The following HOMEZ variants were observed in gnomAD, a reference collection of about 807,000 sequenced individuals.
The protein encoded by HOMEZ is homeobox and leucine zipper protein Homez.
In HOMEZ, 20 loss-of-function variants were observed where a neutral mutation model predicts 50.1. That is an observed-to-expected ratio of 0.40 (90% CI 0.28 to 0.58). HOMEZ has a LOEUF of 0.58. HOMEZ is among the 20% of genes least tolerant of loss of function. The pLI is 0.46. For missense variants in HOMEZ, 579 were observed against 680.5 expected (o/e 0.85, Z 1.66); for synonymous variants, 239 against 254.7 (o/e 0.94, Z 0.59).
At chr14:23,285,769 C>T in intron 1 of HOMEZ, 144 bp downstream of exon 1, 1 of 456,868 alleles carries the variant, frequency 2.2e-6, no homozygotes, top group Middle Eastern at 3.0e-4. Flanking sequence ...GGGAGGGAAC[C>T]GAAAAGTCCA....
intron 1 of HOMEZ, among the ~76,000 whole-genome samples, chr14:23,278,462 C>A (rs1377953472): frequency 6.6e-6 from 1 of 151,368 alleles, no homozygotes; most frequent in Non-Finnish European, 1.5e-5. Context: ...AACTCTTAGG[C>A]TCAAGCAATC....
intron 1 of HOMEZ, among the ~76,000 whole-genome samples, chr14:23,279,522 G>A (rs1156587519): frequency 1.3e-5 from 2 of 152,208 alleles, no homozygotes; most frequent in East Asian, 1.9e-4. Flanking sequence ...GGTGGAGAAT[G>A]AGTCAGGGCA....
At position 23,285,958 on chromosome 14, in the gene HOMEZ, G is replaced by C; in HGVS notation, c.-6C>G. On this transcript the variant is annotated 5_prime_UTR_variant, in exon 1 of 2. Transcript: ENST00000357460. Reference sequence around the variant, plus strand: ...GGCTCCCAGCCTCGCACCATGGGCCGGGGGGAAGTGGGGGAGAGGGCAGGG... The same window carrying C: ...GGCTCCCAGCCTCGCACCATGGGCCCGGGGGAAGTGGGGGAGAGGGCAGGG... 1 of 1,240,242 alleles carries C rather than the reference G, an allele frequency of 8.1e-7. No homozygotes were observed. The highest frequency in any genetic ancestry group is 4.1e-5 in the South Asian group (1 of 24,334). The allele number at this position is 1,240,242 out of a possible 1,614,324, so 76.8% of individuals were successfully genotyped here. A position where few individuals can be genotyped will look rare whatever the true frequency, so the allele number is the denominator to read the frequency against.
At position 23,278,484 on chromosome 14, in the gene HOMEZ, G is replaced by A. The variant is rs528875571; in HGVS notation, c.41-1297C>T. On this transcript the variant is annotated intron_variant, in intron 1 of 1. Coordinates refer to ENST00000357460, the MANE Select transcript of HOMEZ (RefSeq NM_020834.3). ...AGGCTCAAGCAATCCTCCCACCTCA[G>A]CCTCCCAAGTAGCTAGGACTACAGG... Among the ~76,000 whole-genome samples the A allele has an allele frequency of 3.3e-5, 5 of 152,054 alleles. 1 individual carries two copies. The highest frequency in any genetic ancestry group is 1.2e-4 in the African/African-American group (5 of 41,464).
intron 1 of HOMEZ, among the ~76,000 whole-genome samples, chr14:23,283,810 G>A (rs912623002): frequency 1.3e-5 from 2 of 152,142 alleles, no homozygotes; most frequent in Non-Finnish European, 2.9e-5. Flanking sequence ...CAAGAGAATC[G>A]CTTGAACCTG....
chr14:23,279,772 G>A (rs749249662), intron 1 of HOMEZ, among the ~76,000 whole-genome samples: 7 of 152,174 alleles, frequency 4.6e-5, no homozygotes, highest in South Asian at 2.1e-4. Flanking sequence ...ATGAGCCACC[G>A]CGCCTGGCCA....
intron 1 of HOMEZ, among the ~76,000 whole-genome samples, chr14:23,279,997 A>G (rs1293819347): frequency 6.6e-6 from 1 of 152,138 alleles, no homozygotes; most frequent in African/African-American, 2.4e-5. Context: ...ATGTGGATCA[A>G]CAGATTGGGA....
intron 1 of HOMEZ, chr14:23,285,197 C>A (rs1886631536): frequency 6.6e-6 from 1 of 151,340 alleles, no homozygotes. Flanking sequence ...ACCAACTAAC[C>A]GAATCATGTA....
At chr14:23,278,922 G>A (rs866739418) in intron 1 of HOMEZ, among the ~76,000 whole-genome samples, 3 of 151,808 alleles carry the variant, frequency 2.0e-5, no homozygotes, top group South Asian at 2.1e-4. Context: ...GTGATCCACC[G>A]GCCTCGGCCT....
intron 1 of HOMEZ, among the ~76,000 whole-genome samples, chr14:23,279,592 G>A (rs1246510594): frequency 1.3e-5 from 2 of 152,178 alleles, no homozygotes; most frequent in East Asian, 3.8e-4. Context: ...TGCTTTACAA[G>A]GAAGTTAAGT....
In HOMEZ at chr14:23,274,391, C is replaced by G. The variant is rs1234499239; in HGVS notation, c.*1184G>C. 1 of 152,640 alleles carries G rather than the reference C, an allele frequency of 6.6e-6. No individual in the cohort carries two copies. The highest frequency in any genetic ancestry group is 1.5e-5 in the Non-Finnish European group (1 of 68,048). The allele number at this position is 152,640 out of a possible 1,614,324, so 9.5% of individuals were successfully genotyped here. On this transcript the variant is annotated 3_prime_UTR_variant, in exon 2 of 2. Transcript: ENST00000357460. Reference sequence around the variant, plus strand: ...TTCACTGCCCTTCAACAAGGAGAAACTATTCCCTCTCTTTCACCCCTTTGT... The same window carrying G: ...TTCACTGCCCTTCAACAAGGAGAAAGTATTCCCTCTCTTTCACCCCTTTGT...
In HOMEZ at chr14:23,274,522, G is replaced by A. The variant is rs537976574; in HGVS notation, c.*1053C>T. On this transcript the variant is annotated 3_prime_UTR_variant, in exon 2 of 2. Coordinates refer to ENST00000357460, the MANE Select transcript of HOMEZ (RefSeq NM_020834.3). ...AATTATTAAAGTTTTTTACAAGCTCGGTGGGGGAAGATTTTCCCTGAGACA... is the reference window on the plus strand; with the variant it reads ...AATTATTAAAGTTTTTTACAAGCTCAGTGGGGGAAGATTTTCCCTGAGACA... The A allele has an allele frequency of 4.3e-4, 66 of 152,602 alleles. No homozygotes were observed. Among genetic ancestry groups the A allele is most frequent in the African/African-American group, 1.5e-3 (63 of 41,520 alleles). 9.5% of individuals were successfully genotyped at this position (152,602 alleles called of 1,614,324 possible). A position where few individuals can be genotyped will look rare whatever the true frequency, so the allele number is the denominator to read the frequency against.
At chr14:23,279,858 C>T (rs568882224) in intron 1 of HOMEZ, among the ~76,000 whole-genome samples, 85 of 152,294 alleles carry the variant, frequency 5.6e-4, no homozygotes, top group African/African-American at 2.0e-3. Context: ...TCATAATGCA[C>T]TACAGCCTCG....
chr14:23,283,723 C>T (rs556587079), intron 1 of HOMEZ, among the ~76,000 whole-genome samples: 5 of 152,114 alleles, frequency 3.3e-5, no homozygotes, highest in South Asian at 2.1e-4. Flanking sequence ...GGTGAAACCC[C>T]GTCTCTACCA....
Position 23,275,485 on chromosome 14 carries a change from G to A in HOMEZ, c.*90C>T. On this transcript the variant is annotated 3_prime_UTR_variant, in exon 2 of 2. Transcript: ENST00000357460. ...AAAGCTTTTTAGTTCTCTGCCACAA[G>A]GTAATTTTAAAAATGTGGTTTCTTT... 2 of 1,452,768 alleles carry A rather than the reference G, an allele frequency of 1.4e-6. No individual in the cohort carries two copies. The highest frequency in any genetic ancestry group is 2.9e-5 in the South Asian group (2 of 68,078). The allele number at this position is 1,452,768 out of a possible 1,614,324, so 90.0% of individuals were successfully genotyped here. A position where few individuals can be genotyped will look rare whatever the true frequency, so the allele number is the denominator to read the frequency against.
intron 1 of HOMEZ, among the ~76,000 whole-genome samples, chr14:23,284,482 C>A (rs1293287425): frequency 1.2e-4 from 18 of 152,232 alleles, no homozygotes. Context: ...CCAAAATCAT[C>A]TGCTTCATTC....
In HOMEZ at chr14:23,275,658, GTTC is replaced by G. The variant is rs765611605; in HGVS notation, c.1567_1569del (p.Glu523del). 6.4e-7 allele frequency: 1 copy of G among 1,569,240 alleles called. No homozygotes were observed. Among genetic ancestry groups the G allele is most frequent in the Non-Finnish European group, 8.6e-7 (1 of 1,156,194 alleles). On this transcript the variant is annotated inframe_deletion, in exon 2 of 2. Transcript: ENST00000357460. ...TCCTCTTCCTCATCATCTTCTGGCA[GTTC>G]TTCCTCCTCCTCTTCCTCTTCTTCA...
At chr14:23,283,781 G>A (rs1310235823) in intron 1 of HOMEZ, among the ~76,000 whole-genome samples, 1 of 152,214 alleles carries the variant, frequency 6.6e-6, no homozygotes, top group Admixed American at 6.5e-5. Context: ...TGTAGTCCCA[G>A]CTACTGGGAA....
rs975260823 is a variant in HOMEZ, at chr14:23,272,651, A to G, written c.*2924T>C. 8 of 629,384 alleles carry G rather than the reference A, an allele frequency of 1.3e-5. No individual in the cohort carries two copies. Among genetic ancestry groups the G allele is most frequent in the Admixed American group, 7.4e-5 (3 of 40,500 alleles). The allele number at this position is 629,384 out of a possible 1,614,324, so 39.0% of individuals were successfully genotyped here. A position where few individuals can be genotyped will look rare whatever the true frequency, so the allele number is the denominator to read the frequency against. ...AATGTTCCAGAGATTGTCACACTAG[A>G]TGTAGCAAATCCTAGTTTGGAAAAG... is the stretch of plus-strand genomic sequence containing the variant. On this transcript the variant is annotated 3_prime_UTR_variant, in exon 2 of 2. Transcript: ENST00000357460.
Sources: allele counts gnomAD v4.1 joint callset (sites outside exome capture counted in the v4.1 genomes callset), GRCh38; gene constraint gnomAD v4.1.1; transcripts MANE v1.5; gene names NCBI Gene and HGNC (gene_info 2026-07-23, HGNC 2026-07-21).